Variants in RBMX2 observed in about 807,000 individuals in gnomAD.
RBMX2 encodes the protein RNA-binding motif protein, X-linked 2.
For synonymous variants in RBMX2, 77 were observed against 94.3 expected (o/e 0.82, Z 1.07); for missense variants, 191 against 256.0 (o/e 0.75, Z 1.73).
rs770961690 is a variant in RBMX2, at chrX:130,412,342, T to G, written c.482-19T>G. On this transcript the variant is annotated intron_variant, in intron 5 of 5. Transcript: ENST00000305536. ...TTTTTCCCTTTTCTTATTTACTGCT[T>G]CTTTCTTTTATCCTCCAGACAAAAA... The G allele has an allele frequency of 2.7e-6, 3 of 1,112,689 alleles. No homozygotes were observed. The highest frequency in any genetic ancestry group is 6.3e-5 in the Admixed American group (2 of 31,985). The allele number at this position is 1,112,689 out of a possible 1,213,427, so 91.7% of individuals were successfully genotyped here. A position where few individuals can be genotyped will look rare whatever the true frequency, so the allele number is the denominator to read the frequency against.
chrX:130,411,633 G>A, intron 5 of RBMX2, 108 bp downstream of exon 5: 4 of 769,398 alleles, frequency 5.2e-6, no homozygotes, highest in Non-Finnish European at 7.2e-6. Context: ...GGAAGGTGTG[G>A]GGAAGCATAG....
In RBMX2 at chrX:130,402,300, G is replaced by A; in HGVS notation, c.51G>A (p.Glu17=). ...VKLINELNER[E]VQLGVADKVS... ...TGATCAACGAGCTGAATGAACGAGA[G>A]GTCCAGCTTGGGGTGGCCGATAAGG... The change falls in exon 2 of 6, where the codon GAG becomes GAA. Residue 17 remains glutamate (E), a synonymous_variant. Coordinates refer to ENST00000305536, the MANE Select transcript of RBMX2 (RefSeq NM_016024.4). 1 of 1,205,489 alleles carries A rather than the reference G, an allele frequency of 8.3e-7. No homozygotes were observed. Among genetic ancestry groups the A allele is most frequent in the Non-Finnish European group, 1.1e-6 (1 of 893,571 alleles).
rs1325490654 is a variant in RBMX2 at position 130,411,524 on chromosome X, AG to A, written c.481+1del. On this transcript the variant is annotated frameshift_variant and splice_region_variant, in exon 5 of 6. Transcript: ENST00000305536. LOFTEE classifies it low-confidence loss of function (END_TRUNC). ...DEKPTKKHKKDKKEKKKKKKE... is the reference protein window; with the variant it reads ...DEKPTKKHKKXKKEKKKKKKE... The stretch of plus-strand genomic sequence containing the variant: ...AAAAACCAACAAAAAAGCACAAAAA[AG>A]GTAAAGCATTAAGACTTAAGAGAAG... The A allele has an allele frequency of 8.4e-7, 1 of 1,187,090 alleles. No individual in the cohort carries two copies. The highest frequency in any genetic ancestry group is 1.1e-6 in the Non-Finnish European group (1 of 884,994).
At chrX:130,409,935 A>G (rs1346324957) in intron 4 of RBMX2, among the ~76,000 whole-genome samples, 3 of 112,724 alleles carry the variant, frequency 2.7e-5, no homozygotes, top group Admixed American at 9.4e-5. Context: ...TTCCACTGTC[A>G]TAAGTGAGGC....
In RBMX2 at chrX:130,409,381, A is replaced by G. The variant is rs761724690; in HGVS notation, c.298A>G (p.Ile100Val). ...TCTGGCCGTCGACAATTTTAATGGG[A>G]TCAAGGTGAGTGTGCTTATTAAGCA... The part of the protein sequence containing the change: ...TILAVDNFNG[I>V]KIKGRTIRVD... The change falls in exon 4 of 6, where the codon ATC (isoleucine) becomes GTC (valine). Residue 100 changes from isoleucine to valine, a missense_variant. Physicochemically the swap from Ile to Val is conservative, Grantham distance 29. Coordinates refer to ENST00000305536, the MANE Select transcript of RBMX2 (RefSeq NM_016024.4). 1.5e-5 allele frequency: 18 copies of G among 1,204,687 alleles called. No individual in the cohort carries two copies. The highest frequency in any genetic ancestry group is 1.9e-5 in the Non-Finnish European group (17 of 892,680).
intron 3 of RBMX2, among the ~76,000 whole-genome samples, chrX:130,408,217 T>C (rs994098950): frequency 4.5e-5 from 5 of 111,134 alleles, no homozygotes; most frequent in African/African-American, 1.6e-4. Flanking sequence ...AGGCTGGTCT[T>C]GAACTGCTGG....
At position 130,412,757 on chromosome X, in the gene RBMX2, G is replaced by A. The variant is rs906115339; in HGVS notation, c.878G>A (p.Ser293Asn). 20 of 1,209,361 alleles carry A rather than the reference G, an allele frequency of 1.7e-5. No homozygotes were observed. In the African/African-American group the frequency reaches 2.5e-4, roughly 15 times the overall value. ...GAAGGGCGTAGTTATAGAAGTAGAA[G>A]TAGGAGCCGAGATAAATCCCATAGG... ...RSEGRSYRSR[S>N]RSRDKSHRHK... Residue 293 changes from serine to asparagine, a missense_variant, in exon 6 of 6, where the codon AGT (serine) becomes AAT (asparagine). Physicochemically the swap from Ser to Asn is conservative, Grantham distance 46. Coordinates refer to ENST00000305536, the MANE Select transcript of RBMX2 (RefSeq NM_016024.4).
At chrX:130,404,372 G>C (rs1211123906) in intron 3 of RBMX2, 2 of 114,986 alleles carry the variant, frequency 1.7e-5, no homozygotes, top group African/African-American at 6.4e-5. Context: ...ATGAATAGGA[G>C]ACCTGTATAT....
rs745547766 is a variant in RBMX2 at position 130,403,844 on chromosome X, T to C, written c.164T>C (p.Val55Ala). ...CTGACTGAAGGGGACATCATCTGTG[T>C]GTTCTCACAGTAAGTGTCCTTTCAT... ...YELTEGDIIC[V>A]FSQYGEIVNI... The change falls in exon 3 of 6, where the codon GTG (valine) becomes GCG (alanine). Residue 55 changes from valine (V) to alanine (A), a missense_variant. Transcript: ENST00000305536. 1 of 1,207,981 alleles carries C rather than the reference T, an allele frequency of 8.3e-7. No individual in the cohort carries two copies. Among genetic ancestry groups the C allele is most frequent in the African/African-American group, 1.7e-5 (1 of 57,502 alleles).
chrX:130,410,547 C>T (rs1158107171), intron 4 of RBMX2, among the ~76,000 whole-genome samples: 5 of 110,441 alleles, frequency 4.5e-5, no homozygotes, highest in East Asian at 2.9e-4. Context: ...CCACCATGCC[C>T]GGCAAATTTT....
intron 1 of RBMX2, 22 bp from the exon 2 acceptor site, chrX:130,402,224 TACCCTCCCC>T: frequency 8.5e-7 from 1 of 1,174,130 alleles, no homozygotes; most frequent in Non-Finnish European, 1.1e-6. Context: ...CTTTTCTGCC[TACCCTCCCC>T]ACCCCCCCCG....
chrX:130,404,091 G>A (rs2034471214), intron 3 of RBMX2: 1 of 381,880 alleles, frequency 2.6e-6, no homozygotes, highest in Non-Finnish European at 4.6e-6. Flanking sequence ...GTCTATTTCT[G>A]TTGTTTTTCA....
chrX:130,408,213 G>A (rs1343359258), intron 3 of RBMX2, among the ~76,000 whole-genome samples: 1 of 110,899 alleles, frequency 9.0e-6, no homozygotes, highest in Non-Finnish European at 1.9e-5. Flanking sequence ...GCCCAGGCTG[G>A]TCTTGAACTG....
chrX:130,406,673 C>CCAAAA (rs2034487196), intron 3 of RBMX2, among the ~76,000 whole-genome samples: 1 of 58,777 alleles, frequency 1.7e-5, no homozygotes, highest in Non-Finnish European at 3.5e-5. Flanking sequence ...ACTCTGTCTC[C>CCAAAA]AAAAAAAAAA....
rs765798651 is a variant in RBMX2 at position 130,401,994 on chromosome X, G to A, written c.-39G>A. The stretch of plus-strand genomic sequence containing the variant: ...GCGCATGCGCTGCGCTGCCTTTCCC[G>A]GGCGCTGATTCCTGAGTGCTGAGCG... On this transcript the variant is annotated 5_prime_UTR_variant, in exon 1 of 6. Transcript: ENST00000305536. The A allele has an allele frequency of 1.2e-5, 14 of 1,180,887 alleles. No homozygotes were observed. The South Asian group carries it at 2.4e-4, about 21-fold the overall frequency.
rs973376013 is a variant in RBMX2, at chrX:130,413,239, G to C, written c.*391G>C. 1 of 115,678 alleles carries C rather than the reference G, an allele frequency of 8.6e-6. No homozygotes were observed. 9.5% of individuals were successfully genotyped at this position (115,678 alleles called of 1,213,427 possible). A position where few individuals can be genotyped will look rare whatever the true frequency, so the allele number is the denominator to read the frequency against. ...TAGGTTTGGACAGCTTGATGTGAACGAATGGGATAGGATTTTTAAAATCAG... is the reference window on the plus strand; with the variant it reads ...TAGGTTTGGACAGCTTGATGTGAACCAATGGGATAGGATTTTTAAAATCAG... On this transcript the variant is annotated 3_prime_UTR_variant, in exon 6 of 6. Coordinates refer to ENST00000305536, the MANE Select transcript of RBMX2 (RefSeq NM_016024.4).
intron 3 of RBMX2, among the ~76,000 whole-genome samples, chrX:130,405,995 C>T (rs1460379483): frequency 1.3e-5 from 1 of 78,727 alleles, no homozygotes; most frequent in Admixed American, 1.3e-4. Flanking sequence ...GCTGGGACTA[C>T]AGGCGCCCGC....
chrX:130,403,792 T>C lies in RBMX2; in HGVS notation c.122-10T>C, dbSNP rs1170827728. 8 of 1,206,740 alleles carry C rather than the reference T, an allele frequency of 6.6e-6. No individual in the cohort carries two copies. Among genetic ancestry groups the C allele is most frequent in the Non-Finnish European group, 1.1e-6 (1 of 891,792 alleles). On this transcript the variant is annotated splice_polypyrimidine_tract_variant and intron_variant, in intron 2 of 5. Transcript: ENST00000305536. ...TGTTGGTGGAACTGAAATGTGGTTT[T>C]CTCTTCTAGGAGGGCTTCCTTATGA...
chrX:130,404,807 C>T (rs970643079), intron 3 of RBMX2, among the ~76,000 whole-genome samples: 4 of 112,278 alleles, frequency 3.6e-5, no homozygotes, highest in African/African-American at 9.7e-5. Context: ...GATAGAGAAC[C>T]TGGGCAACCC....
Sources: gnomAD v4.1 joint callset for allele counts (sites outside exome capture counted in the v4.1 genomes callset) on GRCh38, gnomAD v4.1.1 for gene constraint, MANE v1.5 for transcripts, NCBI Gene and HGNC (gene_info 2026-07-23, HGNC 2026-07-21) for gene names.